The following DISP1 variants were observed in gnomAD, a reference collection of about 807,000 sequenced individuals.
The protein encoded by DISP1 is protein dispatched homolog 1.
Under a neutral mutation model 37.3 loss-of-function variants are expected in DISP1, and 30 were observed. The ratio of observed to expected loss-of-function variants is 0.80; its 90% CI spans 0.60 to 1.09. DISP1 has a LOEUF of 1.09. Ranked by LOEUF, DISP1 falls within the 50% of genes least tolerant of loss-of-function variation. The pLI is 0.00. For synonymous variants in DISP1, 634 were observed against 690.2 expected (o/e 0.92, Z 1.28); for missense variants, 1,598 against 1,879.5 (o/e 0.85, Z 2.77).
chr1:222,881,393 C>T (rs192510649), intron 1 of DISP1, among the ~76,000 whole-genome samples: 2,576 of 152,200 alleles, frequency 0.017, 37 homozygotes, highest in South Asian at 0.031. Flanking sequence ...CGGAGTTTCT[C>T]CATGTTGGTC....
chr1:222,914,359 T>C (rs1470524245), intron 1 of DISP1, among the ~76,000 whole-genome samples: 2 of 152,172 alleles, frequency 1.3e-5, no homozygotes, highest in Admixed American at 6.5e-5. Context: ...TGTGACCTGG[T>C]GATGTCTGTA....
chr1:222,842,231 TTG>T (rs1228771716), intron 1 of DISP1, among the ~76,000 whole-genome samples: 1 of 152,002 alleles, frequency 6.6e-6, no homozygotes, highest in Admixed American at 6.6e-5. Flanking sequence ...GGTATTTTGA[TTG>T]TTTAAAGCCC....
At chr1:222,938,733 T>TAA (rs33948431) in intron 2 of DISP1, among the ~76,000 whole-genome samples, 26 of 57,630 alleles carry the variant, frequency 4.5e-4, no homozygotes, top group African/African-American at 6.5e-4. Context: ...ACCCTGTCTT[T>TAA]AAAAAAAAAA....
chr1:222,829,513 C>T lies in DISP1; in HGVS notation c.-159+14435C>T, dbSNP rs561774529. 1.6e-4 allele frequency among the ~76,000 whole-genome samples: 24 copies of T among 151,610 alleles called. No individual in the cohort carries two copies. The East Asian group carries it at 4.3e-3, about 27-fold the overall frequency. On this transcript the variant is annotated intron_variant, in intron 1 of 8. Coordinates refer to ENST00000675850, the MANE Select transcript of DISP1 (RefSeq NM_001377229.1). ...AGGCTGGAGTGCAGTGGCACGATCT[C>T]GGCTCACTGCAACCTCTGCCTTCCC...
intron 2 of DISP1, among the ~76,000 whole-genome samples, chr1:222,933,891 A>G (rs570391504): frequency 6.6e-6 from 1 of 152,176 alleles, no homozygotes; most frequent in East Asian, 1.9e-4. Flanking sequence ...TTTTGCTGTC[A>G]GGTCACAATT....
At chr1:222,960,018 C>T (rs1675934052) in intron 3 of DISP1, among the ~76,000 whole-genome samples, 1 of 152,138 alleles carries the variant, frequency 6.6e-6, no homozygotes, top group Non-Finnish European at 1.5e-5. Flanking sequence ...TAGACTCCCA[C>T]ACAATAATAG....
At chr1:222,923,380 T>C (rs1168878522) in intron 1 of DISP1, among the ~76,000 whole-genome samples, 1 of 152,174 alleles carries the variant, frequency 6.6e-6, no homozygotes, top group Non-Finnish European at 1.5e-5. Flanking sequence ...AACACTGAGA[T>C]TTTTAAATTT....
rs1679878226 is a variant in DISP1 at position 223,005,921 on chromosome 1, A to G, written c.4524A>G (p.Val1508=). 1 of 1,614,046 alleles carries G rather than the reference A, an allele frequency of 6.2e-7. No individual in the cohort carries two copies. Among genetic ancestry groups the G allele is most frequent in the South Asian group, 1.1e-5 (1 of 91,090 alleles). The change falls in exon 9 of 9, where the codon GTA becomes GTG. Residue 1508 remains valine, a synonymous_variant. Coordinates refer to ENST00000675850, the MANE Select transcript of DISP1 (RefSeq NM_001377229.1). ...MPNMEANVPA[V]LTHSELSGES... is the part of the protein sequence containing the mutation. The stretch of plus-strand genomic sequence containing the variant: ...ACATGGAAGCCAATGTGCCTGCTGT[A>G]TTAACACACTCGGAACTTTCTGGTG...
chr1:222,864,498 A>G (rs935595336), intron 1 of DISP1, among the ~76,000 whole-genome samples: 1 of 152,098 alleles, frequency 6.6e-6, no homozygotes, highest in Non-Finnish European at 1.5e-5. Flanking sequence ...TTGCCATTTA[A>G]ATATGAATCC....
intron 1 of DISP1, among the ~76,000 whole-genome samples, chr1:222,818,393 G>T (rs1661778181): frequency 6.6e-6 from 1 of 152,132 alleles, no homozygotes; most frequent in Admixed American, 6.6e-5. Context: ...TGAATGACCT[G>T]GTGGAGCCTC....
intron 4 of DISP1, among the ~76,000 whole-genome samples, chr1:222,984,413 A>AT (rs1409829092): frequency 0.014 from 751 of 55,210 alleles, 21 homozygotes; most frequent in East Asian, 0.062. Context: ...CAAAAAAAAA[A>AT]AAAAAAAAAT....
intron 3 of DISP1, among the ~76,000 whole-genome samples, chr1:222,961,451 G>C (rs1676048057): frequency 6.6e-6 from 1 of 152,074 alleles, no homozygotes; most frequent in African/African-American, 2.4e-5. Flanking sequence ...AATAAACTAG[G>C]TATTGATGGA....
intron 1 of DISP1, among the ~76,000 whole-genome samples, chr1:222,926,993 A>C (rs1455791582): frequency 6.6e-6 from 1 of 152,162 alleles, no homozygotes; most frequent in East Asian, 1.9e-4. Flanking sequence ...ATTTATAGTG[A>C]ATAATCATAT....
At chr1:222,817,875 T>G (rs908287669) in intron 1 of DISP1, among the ~76,000 whole-genome samples, 3 of 152,218 alleles carry the variant, frequency 2.0e-5, no homozygotes, top group Non-Finnish European at 4.4e-5. Flanking sequence ...TAGTTATGAC[T>G]GTGAACCTCT....
chr1:222,994,708 T>C (rs1213002941), intron 7 of DISP1, among the ~76,000 whole-genome samples, 177 bp from the exon 8 acceptor site: 1 of 152,194 alleles, frequency 6.6e-6, no homozygotes, highest in African/African-American at 2.4e-5. Flanking sequence ...ATTATGGCAT[T>C]GCTTTTTTTT....
intron 1 of DISP1, among the ~76,000 whole-genome samples, chr1:222,854,898 GTTAT>G (rs1275182868): frequency 2.6e-5 from 4 of 151,988 alleles, no homozygotes; most frequent in Non-Finnish European, 4.4e-5. Flanking sequence ...AGACCTAACA[GTTAT>G]TTGTGTGGCC....
intron 2 of DISP1, among the ~76,000 whole-genome samples, chr1:222,936,802 A>ATAAAT (rs1673832658): frequency 2.8e-4 from 13 of 45,804 alleles, no homozygotes; most frequent in African/African-American, 8.4e-4. Context: ...ATAATATATT[A>ATAAAT]TATATATAAA....
chr1:222,897,118 GACAA>G lies in DISP1; in HGVS notation c.-158-31306_-158-31303del, dbSNP rs1010683368. Among the ~76,000 whole-genome samples, 7 of 152,250 alleles carry G rather than the reference GACAA, an allele frequency of 4.6e-5. No individual in the cohort carries two copies. The South Asian group carries it at 8.3e-4, about 18-fold the overall frequency. On this transcript the variant is annotated intron_variant, in intron 1 of 8. Coordinates refer to ENST00000675850, the MANE Select transcript of DISP1 (RefSeq NM_001377229.1). ...CTAAGTATCCATGAATAGGGAAGTGGACAAACAAATTTTGATATAGTCATTCAGT... is the reference window on the plus strand; with the variant it reads ...CTAAGTATCCATGAATAGGGAAGTGGACAAATTTTGATATAGTCATTCAGT...
At chr1:222,929,347 A>C (rs1322726742) in intron 2 of DISP1, among the ~76,000 whole-genome samples, 1 of 152,164 alleles carries the variant, frequency 6.6e-6, no homozygotes, top group East Asian at 1.9e-4. Flanking sequence ...AATGTGAAAT[A>C]TGTTTATGTT....
Sources: gnomAD v4.1 joint callset for allele counts (sites outside exome capture counted in the v4.1 genomes callset) on GRCh38, gnomAD v4.1.1 for gene constraint, MANE v1.5 for transcripts, NCBI Gene and HGNC (gene_info 2026-07-23, HGNC 2026-07-21) for gene names.